Variants in HECW2 observed in about 807,000 individuals in gnomAD.
HECW2 encodes the protein HECT, C2 and WW domain containing E3 ubiquitin protein ligase 2, also known as E3 ubiquitin-protein ligase HECW2.
HECW2 carries 61 observed loss-of-function variants against 175.2 expected under a neutral mutation model. That is an observed-to-expected ratio of 0.35 (90% CI 0.28 to 0.43). The LOEUF (loss-of-function observed/expected upper bound fraction) is 0.43, where lower values mean the gene tolerates loss of function less well. HECW2 is among the 20% of genes least tolerant of loss of function. The pLI is 1.00. For synonymous variants in HECW2, 671 were observed against 731.0 expected, an observed-to-expected ratio of 0.92 and a Z score of 1.32; for missense variants, 1,524 against 2,000.5, an observed-to-expected ratio of 0.76 and a Z score of 4.54.
chr2:196,508,123 C>CTT (rs1424498490), intron 1 of HECW2, among the ~76,000 whole-genome samples: 1 of 152,166 alleles, frequency 6.6e-6, no homozygotes, highest in African/African-American at 2.4e-5. Context: ...CTGCAACTGT[C>CTT]TTTAAAAGAG....
intron 7 of HECW2, 124 bp from the exon 8 acceptor site, chr2:196,320,563 A>G: frequency 1.7e-6 from 1 of 589,300 alleles, no homozygotes; most frequent in Admixed American, 2.6e-5. Context: ...CAAGAACATT[A>G]AAGGCTCAAA....
chr2:196,384,528 G>A (rs747914183), intron 2 of HECW2, among the ~76,000 whole-genome samples: 3 of 152,140 alleles, frequency 2.0e-5, no homozygotes, highest in Non-Finnish European at 2.9e-5. Flanking sequence ...GCTGCAGTGA[G>A]CCGAGACAGC....
chr2:196,276,774 A>G (rs1559004128), intron 15 of HECW2, among the ~76,000 whole-genome samples: 1 of 152,216 alleles, frequency 6.6e-6, no homozygotes, highest in Non-Finnish European at 1.5e-5. Context: ...TCATTTTTAT[A>G]TGAGCTTCTC....
intron 5 of HECW2, among the ~76,000 whole-genome samples, chr2:196,328,817 T>C (rs1443047662): frequency 4.6e-5 from 7 of 152,208 alleles, no homozygotes; most frequent in African/African-American, 1.7e-4. Flanking sequence ...ACTACCAATT[T>C]ATTTTCTAAA....
chr2:196,578,597 C>T (rs992253407), intron 1 of HECW2, among the ~76,000 whole-genome samples: 6 of 151,948 alleles, frequency 3.9e-5, no homozygotes, highest in East Asian at 3.9e-4. Context: ...AAGAGAGAAA[C>T]GAAAGCAGTA....
chr2:196,498,230 A>C (rs1364816351), intron 1 of HECW2, among the ~76,000 whole-genome samples: 1 of 152,228 alleles, frequency 6.6e-6, no homozygotes, highest in Non-Finnish European at 1.5e-5. Flanking sequence ...GGTTTTTTTC[A>C]CATAATATTA....
At chr2:196,507,167 T>TAC (rs1559148710) in intron 1 of HECW2, among the ~76,000 whole-genome samples, 171 of 5,204 alleles carry the variant, frequency 0.033, 1 homozygote, top group Non-Finnish European at 0.036. Flanking sequence ...ACACACACTA[T>TAC]GTGTATATTA....
intron 23 of HECW2, among the ~76,000 whole-genome samples, chr2:196,225,015 T>TA (rs1687798877): frequency 6.6e-6 from 1 of 152,200 alleles, no homozygotes; most frequent in Non-Finnish European, 1.5e-5. Flanking sequence ...GTGCGTGGCC[T>TA]CAGTTAGGGT....
At chr2:196,298,753 C>T (rs1690914261) in intron 13 of HECW2, among the ~76,000 whole-genome samples, 1 of 152,050 alleles carries the variant, frequency 6.6e-6, no homozygotes, top group Non-Finnish European at 1.5e-5. Flanking sequence ...TTTCTTTCAA[C>T]ATAAACTGAT....
Position 196,198,303 on chromosome 2 carries a change from T to C in HECW2, c.*2974A>G, listed in dbSNP as rs909717808. ...AGTATTGACATACTATTACTTGCCATTGCTTCCCAATAGAAACAGCATTGA... is the reference window on the plus strand; with the variant it reads ...AGTATTGACATACTATTACTTGCCACTGCTTCCCAATAGAAACAGCATTGA... On this transcript the variant is annotated 3_prime_UTR_variant, in exon 29 of 29. Coordinates refer to ENST00000644978, the MANE Select transcript of HECW2 (RefSeq NM_001348768.2). 6.6e-6 allele frequency: 1 copy of C among 152,200 alleles called. No individual in the cohort carries two copies. Among genetic ancestry groups the C allele is most frequent in the African/African-American group, 2.4e-5 (1 of 41,444 alleles). The allele number at this position is 152,200 out of a possible 1,614,324, so 9.4% of individuals were successfully genotyped here. A position where few individuals can be genotyped will look rare whatever the true frequency, so the allele number is the denominator to read the frequency against.
intron 2 of HECW2, among the ~76,000 whole-genome samples, chr2:196,390,658 CCTT>C (rs1447001304): frequency 6.6e-6 from 1 of 151,944 alleles, no homozygotes; most frequent in African/African-American, 2.4e-5. Context: ...CCATCTATAA[CCTT>C]GTTGTTTTTT....
intron 1 of HECW2, among the ~76,000 whole-genome samples, chr2:196,477,059 C>G (rs956570469): frequency 6.7e-6 from 1 of 148,166 alleles, no homozygotes; most frequent in Non-Finnish European, 1.5e-5. Flanking sequence ...GAGAGGATCA[C>G]TTGAGCCCAG....
intron 2 of HECW2, among the ~76,000 whole-genome samples, chr2:196,407,233 G>A (rs1468839478): frequency 1.3e-5 from 2 of 150,022 alleles, no homozygotes; most frequent in African/African-American, 2.5e-5. Context: ...TTTAAGACAG[G>A]GTCTCTCCTG....
intron 1 of HECW2, among the ~76,000 whole-genome samples, chr2:196,555,151 C>T (rs1275172365): frequency 6.6e-6 from 1 of 152,042 alleles, no homozygotes; most frequent in African/African-American, 2.4e-5. Flanking sequence ...AATTTTTTTT[C>T]TGTTTGGACT....
chr2:196,537,860 A>T (rs895382783), intron 1 of HECW2, among the ~76,000 whole-genome samples: 1 of 152,208 alleles, frequency 6.6e-6, no homozygotes, highest in Admixed American at 6.5e-5. Flanking sequence ...CTTTATCACA[A>T]ACCCTTGTAA....
At chr2:196,419,361 C>T (rs1374266852) in intron 2 of HECW2, among the ~76,000 whole-genome samples, 1 of 152,206 alleles carries the variant, frequency 6.6e-6, no homozygotes, top group Non-Finnish European at 1.5e-5. Flanking sequence ...AGTACATCTG[C>T]AAACCCTTCG....
intron 1 of HECW2, among the ~76,000 whole-genome samples, chr2:196,445,760 T>C (rs1391345629): frequency 6.6e-6 from 1 of 152,118 alleles, no homozygotes; most frequent in Non-Finnish European, 1.5e-5. Flanking sequence ...ATGAAGGCCA[T>C]GAAACATGGC....
chr2:196,443,597 C>T (rs1696099537), intron 1 of HECW2, among the ~76,000 whole-genome samples: 1 of 152,226 alleles, frequency 6.6e-6, no homozygotes, highest in Admixed American at 6.5e-5. Flanking sequence ...CATATTTTCA[C>T]TACCTTTTAA....
intron 1 of HECW2, among the ~76,000 whole-genome samples, chr2:196,489,945 A>G (rs13400695): frequency 0.34 from 51,364 of 152,062 alleles, 11,896 homozygotes; most frequent in African/African-American, 0.66. Flanking sequence ...AAGAGGCAGA[A>G]ACAAATTTCA....
Sources: gnomAD v4.1 joint callset for allele counts (sites outside exome capture counted in the v4.1 genomes callset) on GRCh38, gnomAD v4.1.1 for gene constraint, MANE v1.5 for transcripts, NCBI Gene and HGNC (gene_info 2026-07-23, HGNC 2026-07-21) for gene names.